The following CTDP1 variants were observed in gnomAD, a reference collection of about 807,000 sequenced individuals.
CTDP1 encodes RNA polymerase II subunit A C-terminal domain phosphatase.
In CTDP1, 47 loss-of-function variants were observed where a neutral mutation model predicts 91.8. The ratio of observed to expected loss-of-function variants is 0.51; its 90% CI spans 0.41 to 0.65. The LOEUF is 0.65. CTDP1 is among the 30% of genes least tolerant of loss of function. The probability of loss-of-function intolerance (pLI) is 0.00; values close to 1 mark genes in which losing one functional copy is unlikely to be tolerated. For synonymous variants in CTDP1, 656 were observed against 598.5 expected (o/e 1.10, Z -1.40); for missense variants, 1,272 against 1,373.7 (o/e 0.93, Z 1.17).
At chr18:79,746,344 G>T (rs185014553) in intron 12 of CTDP1, among the ~76,000 whole-genome samples, 2 of 146,176 alleles carry the variant, frequency 1.4e-5, no homozygotes, top group Non-Finnish European at 3.0e-5. Flanking sequence ...TCCCGTGCGC[G>T]TTCTGACCCT....
chr18:79,747,213 T>C (rs558567694), intron 12 of CTDP1, among the ~76,000 whole-genome samples: 2 of 152,298 alleles, frequency 1.3e-5, no homozygotes, highest in Non-Finnish European at 2.9e-5. Flanking sequence ...GGCAGCAGGC[T>C]CTCGGAGGGG....
At chr18:79,696,183 T>A (rs1046618364) in intron 3 of CTDP1, 113 bp downstream of exon 3, 65 of 863,670 alleles carry the variant, frequency 7.5e-5, no homozygotes, top group Middle Eastern at 6.3e-4. Context: ...TCGTCGTTAC[T>A]GAAACAACCC....
chr18:79,734,925 T>C (rs1281565821), intron 11 of CTDP1, among the ~76,000 whole-genome samples: 1 of 152,228 alleles, frequency 6.6e-6, no homozygotes, highest in Non-Finnish European at 1.5e-5. Context: ...AATGACCTGA[T>C]GATAAAGCCG....
Position 79,714,569 on chromosome 18 carries a change from G to A in CTDP1, c.1109G>A (p.Gly370Glu). Reference sequence around the variant, plus strand: ...CCTGAGGGGGTAACGCAGGCCCCTGGAGTGGAGCCCAGCAATGGCCTGGAG... The same window carrying A: ...CCTGAGGGGGTAACGCAGGCCCCTGAAGTGGAGCCCAGCAATGGCCTGGAG... ...RDPEGVTQAPGVEPSNGLEKP... is the reference protein window; with the variant it reads ...RDPEGVTQAPEVEPSNGLEKP... Residue 370 changes from glycine (G) to glutamate (E), a missense_variant, in exon 8 of 13, where the codon GGA becomes GAA. By Grantham distance (98) the Gly-to-Glu change is moderately conservative. Around this residue, in one of 3 missense-constraint regions of CTDP1, gnomAD observed 881 missense variants for 911.6 expected, o/e 0.97. Coordinates refer to ENST00000613122, the MANE Select transcript of CTDP1 (RefSeq NM_004715.5). The A allele has an allele frequency of 1.2e-6, 2 of 1,613,142 alleles. No individual in the cohort carries two copies. The highest frequency in any genetic ancestry group is 1.7e-6 in the Non-Finnish European group (2 of 1,180,038).
chr18:79,741,316 C>T (rs530202107), intron 12 of CTDP1, among the ~76,000 whole-genome samples: 25 of 152,312 alleles, frequency 1.6e-4, no homozygotes, highest in African/African-American at 6.0e-4. Flanking sequence ...TTTTGGTGGC[C>T]GGAGGTGAAT....
chr18:79,710,343 A>G lies in CTDP1; in HGVS notation c.773-3A>G, dbSNP rs1256958580. On this transcript the variant is annotated splice_polypyrimidine_tract_variant and splice_region_variant and intron_variant, in intron 5 of 12. Coordinates refer to ENST00000613122, the MANE Select transcript of CTDP1 (RefSeq NM_004715.5). The stretch of plus-strand genomic sequence containing the variant: ...TAATCTTTGTCCTGTTTTCTTTTCC[A>G]AGGCTTTTTAGACCCCGAGAAGAAG... 6 of 1,612,744 alleles carry G rather than the reference A, an allele frequency of 3.7e-6. No individual in the cohort carries two copies. Among genetic ancestry groups the G allele is most frequent in the Non-Finnish European group, 4.2e-6 (5 of 1,179,014 alleles).
chr18:79,691,251 C>T (rs2085614600), intron 1 of CTDP1, among the ~76,000 whole-genome samples: 1 of 152,214 alleles, frequency 6.6e-6, no homozygotes, highest in East Asian at 1.9e-4. Flanking sequence ...AGCTTATAGT[C>T]AACTTTCTTC....
rs111758344 is a variant in CTDP1, at chr18:79,696,242, C to T, written c.492+172C>T. On this transcript the variant is annotated intron_variant, in intron 3 of 12. Coordinates refer to ENST00000613122, the MANE Select transcript of CTDP1 (RefSeq NM_004715.5). ...GACTGCGGCCTTCCTGAAGCAGGGACGGTTGCCCTTGGTTCTCCACAGACA... is the reference window on the plus strand; with the variant it reads ...GACTGCGGCCTTCCTGAAGCAGGGATGGTTGCCCTTGGTTCTCCACAGACA... Among the ~76,000 whole-genome samples the T allele has an allele frequency of 6.0e-3, 916 of 152,166 alleles. 12 individuals carry two copies. Among genetic ancestry groups the T allele is most frequent in the African/African-American group, 0.02 (847 of 41,526 alleles).
upstream of CTDP1, chr18:79,679,124 C>A (rs1462895343): frequency 7.3e-6 from 2 of 272,670 alleles, no homozygotes; most frequent in Non-Finnish European, 1.5e-5. Context: ...CCGCTGCGGT[C>A]CGATTTTCTG....
chr18:79,714,813 CT>C lies in CTDP1; in HGVS notation c.1356del (p.Phe452LeufsTer188). On this transcript the variant is annotated frameshift_variant, in exon 8 of 13. Coordinates refer to ENST00000613122, the MANE Select transcript of CTDP1 (RefSeq NM_004715.5). LOFTEE classifies it high-confidence loss of function. ...AQGATGTDLD[F>X]DLSSDSESSS... The stretch of plus-strand genomic sequence containing the variant: ...AGGGTGCCACGGGCACTGACCTGGA[CT>C]TTGACTTATCCAGCGACAGCGAGAG... 1 of 1,603,156 alleles carries C rather than the reference CT, an allele frequency of 6.2e-7. No individual in the cohort carries two copies. The highest frequency in any genetic ancestry group is 1.1e-5 in the South Asian group (1 of 89,332).
intron 12 of CTDP1, among the ~76,000 whole-genome samples, chr18:79,742,565 A>G (rs1260243818): frequency 6.6e-6 from 1 of 152,274 alleles, no homozygotes; most frequent in Non-Finnish European, 1.5e-5. Flanking sequence ...CAAACAAGCA[A>G]GCACGAGGAA....
chr18:79,750,267 C>T lies in CTDP1; in HGVS notation c.2748-3385C>T, dbSNP rs566618151. Among the ~76,000 whole-genome samples the T allele has an allele frequency of 7.9e-5, 12 of 152,062 alleles. No homozygotes were observed. The East Asian group carries it at 1.7e-3, about 22-fold the overall frequency. ...CGGTCATGGCCCAGGCTCACTGCAG[C>T]CTCCATTTCCTGGGCTCAGAGGATC... On this transcript the variant is annotated intron_variant, in intron 12 of 12. Transcript: ENST00000613122.
At chr18:79,738,674 C>T (rs1387932035) in intron 12 of CTDP1, among the ~76,000 whole-genome samples, 1 of 152,202 alleles carries the variant, frequency 6.6e-6, no homozygotes, top group Non-Finnish European at 1.5e-5. Flanking sequence ...AAAATTGGGC[C>T]AGAAATTCCA....
chr18:79,754,169 G>GT lies in CTDP1; in HGVS notation c.*382dup. On this transcript the variant is annotated 3_prime_UTR_variant, in exon 13 of 13. Coordinates refer to ENST00000613122, the MANE Select transcript of CTDP1 (RefSeq NM_004715.5). ...GGGTCCCACGAGACATGGACTAGGAGTTTAAGCAGGACAGTGTGCGTGCAC... is the reference window on the plus strand; with the variant it reads ...GGGTCCCACGAGACATGGACTAGGAGTTTTAAGCAGGACAGTGTGCGTGCAC... 1 of 347,134 alleles carries GT rather than the reference G, an allele frequency of 2.9e-6. No individual in the cohort carries two copies. The highest frequency in any genetic ancestry group is 2.1e-5 in the African/African-American group (1 of 47,114). 21.5% of individuals were successfully genotyped at this position (347,134 alleles called of 1,614,324 possible).
intron 1 of CTDP1, among the ~76,000 whole-genome samples, chr18:79,687,790 C>T (rs2085535909): frequency 6.6e-6 from 1 of 152,258 alleles, no homozygotes; most frequent in Admixed American, 6.5e-5. Flanking sequence ...CATTTGACAC[C>T]ATGGCTCCCT....
At position 79,750,820 on chromosome 18, in the gene CTDP1, G is replaced by A. The variant is rs1017624953; in HGVS notation, c.2748-2832G>A. On this transcript the variant is annotated intron_variant, in intron 12 of 12. Coordinates refer to ENST00000613122, the MANE Select transcript of CTDP1 (RefSeq NM_004715.5). ...TGAGCCGCCACGCCCTGCCTACTCC[G>A]CTTTTAAATGATGGGATGCATTGCT... is the stretch of plus-strand genomic sequence containing the variant. 8.6e-5 allele frequency among the ~76,000 whole-genome samples: 13 copies of A among 151,706 alleles called. No homozygotes were observed. The South Asian group carries it at 2.1e-3, about 24-fold the overall frequency.
At chr18:79,706,541 T>A (rs988210011) in intron 5 of CTDP1, among the ~76,000 whole-genome samples, 1 of 152,024 alleles carries the variant, frequency 6.6e-6, no homozygotes, top group South Asian at 2.1e-4. Flanking sequence ...TATCCATGGC[T>A]GTCCCCTATT....
chr18:79,679,486 G>C (rs2085306253), upstream of CTDP1: 1 of 456,692 alleles, frequency 2.2e-6, no homozygotes, highest in African/African-American at 2.0e-5. Flanking sequence ...TGGGGTAATG[G>C]CACGCAGGCC....
At position 79,700,712 on chromosome 18, in the gene CTDP1, G is replaced by A. The variant is rs74342111; in HGVS notation, c.621+2724G>A. On this transcript the variant is annotated intron_variant, in intron 4 of 12. Transcript: ENST00000613122. ...TGAGATCACTGATGAAACTAAACAC[G>A]CTAAACAACAGATTTTCAGTGCAGA... Among the ~76,000 whole-genome samples, 1,079 of 152,334 alleles carry A rather than the reference G, an allele frequency of 7.1e-3. 45 individuals carry two copies. The East Asian group carries it at 0.12, about 17-fold the overall frequency.
Sources: gnomAD v4.1 joint callset for allele counts (sites outside exome capture counted in the v4.1 genomes callset) on GRCh38, gnomAD v4.1.1 for gene constraint, gnomAD v4.1.1 regional missense constraint, MANE v1.5 for transcripts, NCBI Gene and HGNC (gene_info 2026-07-23, HGNC 2026-07-21) for gene names.